The following ZNF417 variants were observed in gnomAD, a reference collection of about 807,000 sequenced individuals.
ZNF417 encodes the protein zinc finger protein 417.
In ZNF417, 5 loss-of-function variants were observed where a neutral mutation model predicts 7.4. That is an observed-to-expected ratio of 0.68 (90% CI 0.35 to 1.43). ZNF417 has a LOEUF of 1.43. Ranked by LOEUF, ZNF417 falls within the 40% of genes most tolerant of loss-of-function variation. The pLI is 0.04. For missense variants in ZNF417, 437 were observed against 697.3 expected (o/e 0.63, Z 4.20); for synonymous variants, 147 against 239.1 (o/e 0.61, Z 3.55).
chr19:57,913,808 T>C (rs1028851746), intron 1 of ZNF417, among the ~76,000 whole-genome samples: 5 of 152,092 alleles, frequency 3.3e-5, no homozygotes, highest in Non-Finnish European at 7.4e-5. Context: ...GGGACGTAAG[T>C]AAGAGATCCA....
rs748374040 is a variant in ZNF417, at chr19:57,908,260, C to A, written c.*290G>T. The A allele has an allele frequency of 8.6e-6, 4 of 463,854 alleles. No individual in the cohort carries two copies. The highest frequency in any genetic ancestry group is 2.4e-5 in the South Asian group (1 of 41,112). 28.7% of individuals were successfully genotyped at this position (463,854 alleles called of 1,614,324 possible). On this transcript the variant is annotated 3_prime_UTR_variant, in exon 3 of 3. Transcript: ENST00000312026. ...TGGTACTGAAAACCAAGTATTTGGC[C>A]GGGCATGGTGTGGTGTACTCGTAAT...
At chr19:57,913,608 T>C (rs1198301576) in intron 1 of ZNF417, among the ~76,000 whole-genome samples, 12 of 152,202 alleles carry the variant, frequency 7.9e-5, no homozygotes, top group Non-Finnish European at 1.5e-4. Flanking sequence ...CAGTGATAAA[T>C]AGTTACAACT....
chr19:57,915,962 G>A lies in ZNF417; in HGVS notation c.33+417C>T, dbSNP rs572974670. Among the ~76,000 whole-genome samples the A allele has an allele frequency of 4.0e-4, 61 of 152,166 alleles. 2 individuals are homozygous for A. Among genetic ancestry groups the A allele is most frequent in the Non-Finnish European group, 1.6e-4 (11 of 68,044 alleles). ...CAGTTCTGCCATCCCACCCAGAACA[G>A]AAAACAGCATGAAAAACTCACTTTA... On this transcript the variant is annotated intron_variant, in intron 1 of 2. Coordinates refer to ENST00000312026, the MANE Select transcript of ZNF417 (RefSeq NM_152475.3).
rs1287028270 is a variant in ZNF417 at position 57,907,700 on chromosome 19, A to C, written c.*850T>G. 6.5e-6 allele frequency: 1 copy of C among 154,866 alleles called. No individual in the cohort carries two copies. The highest frequency in any genetic ancestry group is 1.5e-5 in the Non-Finnish European group (1 of 68,244). The allele number at this position is 154,866 out of a possible 1,614,324, so 9.6% of individuals were successfully genotyped here. A position where few individuals can be genotyped will look rare whatever the true frequency, so the allele number is the denominator to read the frequency against. On this transcript the variant is annotated 3_prime_UTR_variant, in exon 3 of 3. Coordinates refer to ENST00000312026, the MANE Select transcript of ZNF417 (RefSeq NM_152475.3). ...TGGCTACAGTGTCGACATTCATGCA[A>C]GTGGGGAAATGGGCATGTGGCCCCT...
chr19:57,906,214 T>C lies in ZNF417; in HGVS notation c.*2336A>G, dbSNP rs544827188. Among the ~76,000 whole-genome samples, 6 of 152,352 alleles carry C rather than the reference T, an allele frequency of 3.9e-5. No individual in the cohort carries two copies. Among genetic ancestry groups the C allele is most frequent in the African/African-American group, 9.6e-5 (4 of 41,582 alleles). On this transcript the variant is annotated 3_prime_UTR_variant, in exon 3 of 3. Transcript: ENST00000312026. ...AGCCCTTTTAAACTTCTAGATATCA[T>C]TGAAACTCCTATGTTGATTAAAAAT... is the stretch of plus-strand genomic sequence containing the variant.
chr19:57,910,169 G>A, intron 2 of ZNF417, 55 bp from the exon 3 acceptor site: 1 of 1,565,196 alleles, frequency 6.4e-7, no homozygotes, highest in South Asian at 1.2e-5. Flanking sequence ...GGAAGGCACA[G>A]CCCACCCACA....
At chr19:57,914,684 A>G (rs1308273103) in intron 1 of ZNF417, among the ~76,000 whole-genome samples, 1 of 152,106 alleles carries the variant, frequency 6.6e-6, no homozygotes, top group Admixed American at 6.5e-5. Context: ...GTCCAACCAG[A>G]TGAAGCCGGT....
In ZNF417 at chr19:57,908,197, G is replaced by A. The variant is rs1179141863; in HGVS notation, c.*353C>T. 6 of 327,472 alleles carry A rather than the reference G, an allele frequency of 1.8e-5. No homozygotes were observed. The highest frequency in any genetic ancestry group is 2.3e-5 in the Non-Finnish European group (4 of 174,734). 20.3% of individuals were successfully genotyped at this position (327,472 alleles called of 1,614,324 possible). On this transcript the variant is annotated 3_prime_UTR_variant, in exon 3 of 3. Coordinates refer to ENST00000312026, the MANE Select transcript of ZNF417 (RefSeq NM_152475.3). ...CGTATTGTCACTTGGGGACACTTAT[G>A]ATTCCACATGAAGTGGATAACCAGC...
rs1293934223 is a variant in ZNF417 at position 57,906,895 on chromosome 19, C to G, written c.*1655G>C. On this transcript the variant is annotated 3_prime_UTR_variant, in exon 3 of 3. Coordinates refer to ENST00000312026, the MANE Select transcript of ZNF417 (RefSeq NM_152475.3). ...TTTGAGACGGAGTCTCGCTCTGTCACCAGGCTGGAGTGCAGTGGTGCAATC... is the reference window on the plus strand; with the variant it reads ...TTTGAGACGGAGTCTCGCTCTGTCAGCAGGCTGGAGTGCAGTGGTGCAATC... 1 of 122,314 alleles carries G rather than the reference C, an allele frequency of 8.2e-6. No individual in the cohort carries two copies. The highest frequency in any genetic ancestry group is 9.0e-5 in the Admixed American group (1 of 11,084). The allele number at this position is 122,314 out of a possible 1,614,324, so 7.6% of individuals were successfully genotyped here.
chr19:57,912,932 A>C (rs1299253033), intron 1 of ZNF417, among the ~76,000 whole-genome samples: 2 of 151,998 alleles, frequency 1.3e-5, no homozygotes, highest in African/African-American at 4.8e-5. Flanking sequence ...AAATTATTTC[A>C]CAAGATGAAG....
In ZNF417 at chr19:57,908,552, A is replaced by G. The variant is rs1600146780; in HGVS notation, c.1726T>C (p.Ter576ArgextTer3). 1.9e-6 allele frequency: 3 copies of G among 1,614,222 alleles called. No homozygotes were observed. The highest frequency in any genetic ancestry group is 4.5e-5 in the East Asian group (2 of 44,884). ...HQSSHRRKAL[*>R] Reference sequence around the variant, plus strand: ...ACGATTTCCCATATTCACTGCACTCATAAGGCCTTTCTCCTGTGTGAACTC... The same window carrying G: ...ACGATTTCCCATATTCACTGCACTCGTAAGGCCTTTCTCCTGTGTGAACTC... The change falls in exon 3 of 3, where the codon TGA becomes CGA. Residue 576 changes from the stop codon to arginine, a stop_lost. Coordinates refer to ENST00000312026, the MANE Select transcript of ZNF417 (RefSeq NM_152475.3).
Position 57,906,305 on chromosome 19 carries a change from GTA to G in ZNF417, c.*2243_*2244del, listed in dbSNP as rs2071826765. On this transcript the variant is annotated 3_prime_UTR_variant, in exon 3 of 3. Transcript: ENST00000312026. The stretch of plus-strand genomic sequence containing the variant: ...TGAGAATGAAGTATCACTATTTCAT[GTA>G]TGTGCCTGTATGTGCTTATATAACA... 6.6e-6 allele frequency among the ~76,000 whole-genome samples: 1 copy of G among 152,182 alleles called. No homozygotes were observed. The highest frequency in any genetic ancestry group is 1.5e-5 in the Non-Finnish European group (1 of 68,014).
At position 57,916,529 on chromosome 19, in the gene ZNF417, C is replaced by A. The variant is rs528215568; in HGVS notation, c.-118G>T. 8.3e-6 allele frequency: 13 copies of A among 1,565,572 alleles called. No homozygotes were observed. Among genetic ancestry groups the A allele is most frequent in the African/African-American group, 1.4e-5 (1 of 73,734 alleles). ...CTTCTAGGTTCAGTCACCGCGGTCC[C>A]CCCCCAGCACTCAGGGGCCACAAAC... is the stretch of plus-strand genomic sequence containing the variant. On this transcript the variant is annotated 5_prime_UTR_variant, in exon 1 of 3. Transcript: ENST00000312026.
At chr19:57,913,744 A>G (rs1322046084) in intron 1 of ZNF417, among the ~76,000 whole-genome samples, 1 of 152,118 alleles carries the variant, frequency 6.6e-6, no homozygotes, top group Non-Finnish European at 1.5e-5. Flanking sequence ...ACATCCTGCC[A>G]TGATGTTCAC....
chr19:57,908,934 C>A lies in ZNF417; in HGVS notation c.1344G>T (p.Lys448Asn). The part of the protein sequence containing the change: ...CRECGKLFNR[K>N]YHLLVHERVH... ...CTCTCTCATGAACGAGAAGATGATA[C>A]TTCCTGTTAAATAATTTCCCACATT... is the stretch of plus-strand genomic sequence containing the variant. Residue 448 changes from lysine to asparagine, a missense_variant, in exon 3 of 3, where the codon AAG becomes AAT. By Grantham distance (94) the Lys-to-Asn change is moderately conservative. This residue lies in a region of ZNF417 where 233 missense variants were observed against 235.5 expected (regional missense o/e 0.99). Coordinates refer to ENST00000312026, the MANE Select transcript of ZNF417 (RefSeq NM_152475.3). 6.2e-7 allele frequency: 1 copy of A among 1,614,108 alleles called. No individual in the cohort carries two copies. Among genetic ancestry groups the A allele is most frequent in the Non-Finnish European group, 8.5e-7 (1 of 1,180,026 alleles).
rs781496496 is a variant in ZNF417 at position 57,912,223 on chromosome 19, C to A, written c.34-34G>T. The A allele has an allele frequency of 1.9e-6, 3 of 1,612,262 alleles. No homozygotes were observed. In the Admixed American group the frequency reaches 5.0e-5, roughly 27 times the overall value. ...GTGACAGATGAAACCACAAACAGCC[C>A]CTCTGCTGAGGTACCACAACCCACC... is the stretch of plus-strand genomic sequence containing the variant. On this transcript the variant is annotated intron_variant, in intron 1 of 2. Coordinates refer to ENST00000312026, the MANE Select transcript of ZNF417 (RefSeq NM_152475.3).
intron 1 of ZNF417, among the ~76,000 whole-genome samples, chr19:57,916,054 G>A (rs1183288466): frequency 2.0e-5 from 3 of 152,186 alleles, no homozygotes; most frequent in Non-Finnish European, 4.4e-5. Context: ...CTCTGATCCC[G>A]GAATGCTAAT....
chr19:57,910,337 G>C (rs1286068788), intron 2 of ZNF417, among the ~76,000 whole-genome samples: 1 of 152,080 alleles, frequency 6.6e-6, no homozygotes, highest in Non-Finnish European at 1.5e-5. Flanking sequence ...CCTGAGGTCA[G>C]AAGTTCGAGA....
rs3745133 is a variant in ZNF417, at chr19:57,909,331, C to A, written c.947G>T (p.Arg316Leu). Residue 316 changes from arginine (R) to leucine (L), a missense_variant, in exon 3 of 3, where the codon CGT becomes CTT. Coordinates refer to ENST00000312026, the MANE Select transcript of ZNF417 (RefSeq NM_152475.3). Reference sequence around the variant, plus strand: ...ATAAGGCCTTTCTCCAGTGTGAACACGCTGATGGCTAATAAGGCTGCCCTT... The same window carrying A: ...ATAAGGCCTTTCTCCAGTGTGAACAAGCTGATGGCTAATAAGGCTGCCCTT... Reference protein sequence around the residue: ...SQKGSLISHQRVHTGERPYEC... With the variant: ...SQKGSLISHQLVHTGERPYEC... 0.35 allele frequency: 553,732 copies of A among 1,587,364 alleles called. 76,220 individuals carry two copies. The highest frequency in any genetic ancestry group is 0.37 in the African/African-American group (22,877 of 61,636).
Sources: gnomAD v4.1 joint callset for allele counts (sites outside exome capture counted in the v4.1 genomes callset) on GRCh38, gnomAD v4.1.1 for gene constraint, gnomAD v4.1.1 regional missense constraint, MANE v1.5 for transcripts, NCBI Gene and HGNC (gene_info 2026-07-23, HGNC 2026-07-21) for gene names.